The following ZNF564 variants were observed in gnomAD, a reference collection of about 807,000 sequenced individuals.
The protein encoded by ZNF564 is zinc finger protein 564.
In ZNF564, 5 loss-of-function variants were observed where a neutral mutation model predicts 10.5. That is an observed-to-expected ratio of 0.48 (90% confidence interval 0.25 to 1.00). The LOEUF (loss-of-function observed/expected upper bound fraction) is 1.00, where lower values mean the gene tolerates loss of function less well. Among genes scored for constraint, ZNF564 ranks in the 50% least tolerant of loss-of-function variants. The probability of loss-of-function intolerance (pLI) is 0.16; values close to 1 mark genes in which losing one functional copy is unlikely to be tolerated. For missense variants in ZNF564, 603 were observed against 669.7 expected (o/e 0.90, Z 1.10); for synonymous variants, 242 against 218.1 (o/e 1.11, Z -0.97).
At position 12,527,221 on chromosome 19, in the gene ZNF564, A is replaced by T; in HGVS notation, c.887T>A (p.Phe296Tyr). Reference sequence around the variant, plus strand: ...AGTGTGCCTAATCATATGACTTTGAAAATTTGTGAAAGAAATGAAGGCCTT... The same window carrying T: ...AGTGTGCCTAATCATATGACTTTGATAATTTGTGAAAGAAATGAAGGCCTT... Reference protein sequence around the residue: ...CGKAFISFTNFQSHMIRHTGD... With the variant: ...CGKAFISFTNYQSHMIRHTGD... Residue 296 changes from phenylalanine to tyrosine, a missense_variant, in exon 4 of 4, where the codon TTT becomes TAT. Transcript: ENST00000339282. 6.2e-7 allele frequency: 1 copy of T among 1,614,142 alleles called. No individual in the cohort carries two copies. Among genetic ancestry groups the T allele is most frequent in the Non-Finnish European group, 8.5e-7 (1 of 1,180,030 alleles).
At chr19:12,536,007 G>A (rs558077980) in intron 1 of ZNF564, among the ~76,000 whole-genome samples, 11 of 103,258 alleles carry the variant, frequency 1.1e-4, no homozygotes, top group African/African-American at 3.2e-4. Flanking sequence ...GCGTGACTCC[G>A]TCTCAAAAAA....
At chr19:12,536,403 T>C (rs1190245116) in intron 1 of ZNF564, among the ~76,000 whole-genome samples, 1 of 152,158 alleles carries the variant, frequency 6.6e-6, no homozygotes, top group East Asian at 1.9e-4. Context: ...TCTCAAACTC[T>C]TGGGCTCAAG....
intron 3 of ZNF564, 91 bp downstream of exon 3, chr19:12,528,213 G>A (rs2021732053): frequency 2.4e-6 from 3 of 1,261,422 alleles, no homozygotes; most frequent in East Asian, 2.3e-5. Flanking sequence ...AAATAAATCT[G>A]AAGCTGGGCT....
intron 1 of ZNF564, among the ~76,000 whole-genome samples, chr19:12,549,632 A>T (rs1331116720): frequency 1.3e-5 from 2 of 152,184 alleles, no homozygotes; most frequent in Admixed American, 1.3e-4. Context: ...TGTGTCCCTA[A>T]GGAACGGAAA....
intron 1 of ZNF564, among the ~76,000 whole-genome samples, chr19:12,529,013 C>T (rs1173992517): frequency 1.3e-5 from 2 of 152,122 alleles, no homozygotes; most frequent in Admixed American, 6.6e-5. Flanking sequence ...TACGGTGAAC[C>T]AAGATCACGC....
chr19:12,539,854 G>A (rs1438647612), intron 1 of ZNF564, among the ~76,000 whole-genome samples: 1 of 145,152 alleles, frequency 6.9e-6, no homozygotes, highest in African/African-American at 2.6e-5. Context: ...GGTGGTGGGC[G>A]CCTGTAGTCC....
intron 1 of ZNF564, among the ~76,000 whole-genome samples, chr19:12,543,072 G>A (rs562439332): frequency 2.0e-5 from 3 of 152,102 alleles, no homozygotes; most frequent in African/African-American, 7.2e-5. Context: ...AGGCCAAGGC[G>A]GGCAGATCAC....
At chr19:12,547,397 T>C (rs1000708741) in intron 1 of ZNF564, among the ~76,000 whole-genome samples, 1 of 152,186 alleles carries the variant, frequency 6.6e-6, no homozygotes, top group Non-Finnish European at 1.5e-5. Context: ...CTTGCAGATC[T>C]TGTATCTACT....
intron 1 of ZNF564, among the ~76,000 whole-genome samples, chr19:12,541,835 G>A (rs948250915): frequency 6.7e-6 from 1 of 149,820 alleles, no homozygotes; most frequent in Non-Finnish European, 1.5e-5. Flanking sequence ...CTAATACGGT[G>A]AAACCCCGTC....
At position 12,526,492 on chromosome 19, in the gene ZNF564, T is replaced by G. The variant is rs761907503; in HGVS notation, c.1616A>C (p.Lys539Thr). 1.2e-5 allele frequency: 19 copies of G among 1,607,254 alleles called. No homozygotes were observed. The highest frequency in any genetic ancestry group is 1.6e-5 in the Non-Finnish European group (19 of 1,177,860). ...CGAAGGTTGTGTGATAAATGAAAGC[T>G]TTCCCACATTCTTTACGTAAGGTTT... ...GDKPYVKNVG[K>T]LSFITQPSNT... Residue 539 changes from lysine (K) to threonine (T), a missense_variant, in exon 4 of 4, where the codon AAG (lysine) becomes ACG (threonine). Transcript: ENST00000339282.
chr19:12,535,630 C>G (rs548801123), intron 1 of ZNF564, among the ~76,000 whole-genome samples: 1 of 152,094 alleles, frequency 6.6e-6, no homozygotes, highest in Non-Finnish European at 1.5e-5. Flanking sequence ...AGTGAATATA[C>G]AATAGTCAAC....
At position 12,526,864 on chromosome 19, in the gene ZNF564, T is replaced by C; in HGVS notation, c.1244A>G (p.His415Arg). ...ACATTCATAGGGTTTCTCTCCAGTG[T>C]GAGTTCTTTCGTGTATTTGAAATGA... ...PSSFQIHERT[H>R]TGEKPYECQV... The change falls in exon 4 of 4, where the codon CAC (histidine) becomes CGC (arginine). Residue 415 changes from histidine to arginine, a missense_variant. Physicochemically the swap from His to Arg is conservative, Grantham distance 29. Coordinates refer to ENST00000339282, the MANE Select transcript of ZNF564 (RefSeq NM_144976.4). 2 of 1,614,168 alleles carry C rather than the reference T, an allele frequency of 1.2e-6. No individual in the cohort carries two copies. The highest frequency in any genetic ancestry group is 1.7e-6 in the Non-Finnish European group (2 of 1,180,010).
At chr19:12,534,711 G>A (rs927750742) in intron 1 of ZNF564, among the ~76,000 whole-genome samples, 1 of 152,112 alleles carries the variant, frequency 6.6e-6, no homozygotes, top group South Asian at 2.1e-4. Context: ...CTACTCGAGA[G>A]GCTGAAGCAG....
rs1378253558 is a variant in ZNF564 at position 12,525,595 on chromosome 19, A to G, written c.*851T>C. 6.6e-6 allele frequency: 1 copy of G among 152,208 alleles called. No individual in the cohort carries two copies. The highest frequency in any genetic ancestry group is 1.5e-5 in the Non-Finnish European group (1 of 68,050). The allele number at this position is 152,208 out of a possible 1,614,324, so 9.4% of individuals were successfully genotyped here. ...ATGACTAAAGATGTCGAGCATTGTT[A>G]CGTGCTTATTGGCCATCTGGGTATC... On this transcript the variant is annotated 3_prime_UTR_variant, in exon 4 of 4. Transcript: ENST00000339282.
At position 12,526,596 on chromosome 19, in the gene ZNF564, G is replaced by C. The variant is rs919091052; in HGVS notation, c.1512C>G (p.Pro504=). The change falls in exon 4 of 4, where the codon CCC becomes CCG. Residue 504 remains proline (P), a synonymous_variant. Transcript: ENST00000339282. ...IHERTHTGEK[P]YECKQCGKTF... ...TTTTTCCACATTGCTTACATTCATAGGGTTTTTCTCCGGTATGAGTTCTTT... is the reference window on the plus strand; with the variant it reads ...TTTTTCCACATTGCTTACATTCATACGGTTTTTCTCCGGTATGAGTTCTTT... 4.3e-6 allele frequency: 7 copies of C among 1,613,974 alleles called. No homozygotes were observed. Among genetic ancestry groups the C allele is most frequent in the African/African-American group, 1.3e-5 (1 of 74,898 alleles).
intron 1 of ZNF564, among the ~76,000 whole-genome samples, chr19:12,540,832 T>C (rs181568224): frequency 0.012 from 1,790 of 149,570 alleles, 13 homozygotes; most frequent in Non-Finnish European, 0.019. Context: ...CCAGCCTGGG[T>C]GACACAGCAA....
chr19:12,527,583 C>A lies in ZNF564; in HGVS notation c.525G>T (p.Gly175=). The change falls in exon 4 of 4, where the codon GGG becomes GGT. Residue 175 remains glycine (G), a synonymous_variant. Coordinates refer to ENST00000339282, the MANE Select transcript of ZNF564 (RefSeq NM_144976.4). ...CACTTGGGAGAGAAATGAAGGCTTTCCCACATTCCGGACATGCATAGGGTT... is the reference window on the plus strand; with the variant it reads ...CACTTGGGAGAGAAATGAAGGCTTTACCACATTCCGGACATGCATAGGGTT... ...GEKPYACPEC[G]KAFISLPSVR... 6.2e-7 allele frequency: 1 copy of A among 1,614,044 alleles called. No individual in the cohort carries two copies. Among genetic ancestry groups the A allele is most frequent in the Non-Finnish European group, 8.5e-7 (1 of 1,179,980 alleles).
chr19:12,543,365 A>G (rs1038604373), intron 1 of ZNF564, among the ~76,000 whole-genome samples: 2 of 148,418 alleles, frequency 1.3e-5, no homozygotes, highest in Admixed American at 1.3e-4. Flanking sequence ...GGAAGGGGAA[A>G]GGGAAGGGAC....
intron 1 of ZNF564, among the ~76,000 whole-genome samples, chr19:12,535,080 AGTACGTC>A (rs2021883577): frequency 6.6e-6 from 1 of 152,148 alleles, no homozygotes; most frequent in Admixed American, 6.6e-5. Context: ...GAAATTTAAA[AGTACGTC>A]ACTGGGCCAG....
Sources: gnomAD v4.1 joint callset for allele counts (sites outside exome capture counted in the v4.1 genomes callset) on GRCh38, gnomAD v4.1.1 for gene constraint, MANE v1.5 for transcripts, NCBI Gene and HGNC (gene_info 2026-07-23, HGNC 2026-07-21) for gene names.